The following UBAC2 variants were observed in gnomAD, a reference collection of about 807,000 sequenced individuals.
UBAC2 encodes the protein ubiquitin-associated domain-containing protein 2.
UBAC2 carries 26 observed loss-of-function variants against 44.0 expected under a neutral mutation model. The observed-to-expected ratio is 0.59, with a 90% CI of 0.43 to 0.82. The LOEUF (loss-of-function observed/expected upper bound fraction) is 0.82, where lower values mean the gene tolerates loss of function less well. UBAC2 is among the 40% of genes least tolerant of loss of function. The pLI is 0.00. For synonymous variants in UBAC2, 155 were observed against 154.3 expected (o/e 1.00, Z -0.04); for missense variants, 329 against 419.4 (o/e 0.78, Z 1.88).
intron 5 of UBAC2, among the ~76,000 whole-genome samples, chr13:99,316,589 A>G (rs185974096): frequency 6.6e-6 from 1 of 152,278 alleles, no homozygotes; most frequent in Admixed American, 6.5e-5. Flanking sequence ...AGTATCACCC[A>G]CTGGGTGAGA....
At chr13:99,202,254 C>T (rs1210587815) in intron 1 of UBAC2, among the ~76,000 whole-genome samples, 3 of 152,078 alleles carry the variant, frequency 2.0e-5, no homozygotes, top group African/African-American at 7.2e-5. Flanking sequence ...TCCTTTGTTT[C>T]ATAATTAATT....
At chr13:99,236,805 G>A (rs994693903) in intron 1 of UBAC2, among the ~76,000 whole-genome samples, 1 of 151,998 alleles carries the variant, frequency 6.6e-6, no homozygotes. Flanking sequence ...AGCCGAGATG[G>A]CACCACTTCA....
chr13:99,294,129 C>T (rs1219103998), intron 4 of UBAC2, among the ~76,000 whole-genome samples: 1 of 152,156 alleles, frequency 6.6e-6, no homozygotes, highest in African/African-American at 2.4e-5. Flanking sequence ...ATTTAGCAAG[C>T]AGCAGCTATA....
chr13:99,360,929 C>G (rs1055871195), intron 7 of UBAC2, among the ~76,000 whole-genome samples: 1 of 152,206 alleles, frequency 6.6e-6, no homozygotes, highest in Admixed American at 6.5e-5. Flanking sequence ...CTCACACTCT[C>G]CTGTGGACGC....
intron 5 of UBAC2, among the ~76,000 whole-genome samples, chr13:99,316,399 TTGAATGAATGAA>T (rs568962794): frequency 6.6e-6 from 1 of 152,096 alleles, no homozygotes; most frequent in Non-Finnish European, 1.5e-5. Flanking sequence ...AGGGACATTG[TTGAATGAATGAA>T]TGAATGGATG....
chr13:99,337,219 G>A (rs1363302796), intron 6 of UBAC2, among the ~76,000 whole-genome samples: 1 of 152,098 alleles, frequency 6.6e-6, no homozygotes, highest in Non-Finnish European at 1.5e-5. Context: ...TATTTTGAAT[G>A]ATATTTAATT....
chr13:99,298,685 A>C (rs2044213112), intron 4 of UBAC2, among the ~76,000 whole-genome samples: 1 of 152,176 alleles, frequency 6.6e-6, no homozygotes, highest in African/African-American at 2.4e-5. Context: ...CATTTTGTGC[A>C]GGAAAAAAAA....
chr13:99,289,951 C>T (rs115115825), intron 4 of UBAC2, among the ~76,000 whole-genome samples: 2 of 152,332 alleles, frequency 1.3e-5, no homozygotes, highest in African/African-American at 2.4e-5. Flanking sequence ...TTCCTCCCCA[C>T]CCCCAAGGAA....
intron 7 of UBAC2, among the ~76,000 whole-genome samples, chr13:99,352,541 G>A (rs2045109170): frequency 6.6e-6 from 1 of 152,226 alleles, no homozygotes; most frequent in Non-Finnish European, 1.5e-5. Context: ...GATCTGCCTA[G>A]TAGAGCTTTA....
chr13:99,283,908 T>A (rs941274651), intron 4 of UBAC2, among the ~76,000 whole-genome samples: 1 of 152,050 alleles, frequency 6.6e-6, no homozygotes, highest in African/African-American at 2.4e-5. Context: ...CTAATTTTTG[T>A]ATTTTTAATA....
intron 7 of UBAC2, among the ~76,000 whole-genome samples, chr13:99,344,166 A>G (rs1174754661): frequency 6.6e-6 from 1 of 152,170 alleles, no homozygotes; most frequent in African/African-American, 2.4e-5. Flanking sequence ...AGAGAGATGC[A>G]GGTATTCCCT....
At chr13:99,327,022 CTA>C (rs2044648847) in intron 6 of UBAC2, among the ~76,000 whole-genome samples, 1 of 152,160 alleles carries the variant, frequency 6.6e-6, no homozygotes, top group South Asian at 2.1e-4. Context: ...TTAGCAGACT[CTA>C]TTTTCTTCGT....
chr13:99,298,889 A>G (rs2044215634), intron 4 of UBAC2, among the ~76,000 whole-genome samples: 1 of 152,174 alleles, frequency 6.6e-6, no homozygotes, highest in Non-Finnish European at 1.5e-5. Flanking sequence ...TTTTATTAAT[A>G]TTTTTCTAAG....
intron 6 of UBAC2, among the ~76,000 whole-genome samples, chr13:99,337,644 A>G (rs895323948): frequency 6.6e-6 from 1 of 152,096 alleles, no homozygotes; most frequent in Non-Finnish European, 1.5e-5. Flanking sequence ...CCTTTCCCCC[A>G]TATTCCCTCT....
intron 1 of UBAC2, chr13:99,234,426 G>T: frequency 5.1e-6 from 1 of 196,470 alleles, no homozygotes; most frequent in Non-Finnish European, 1.1e-5. Context: ...CTGACCTCAG[G>T]TGATCCGCCC....
At chr13:99,291,683 T>G (rs528367676) in intron 4 of UBAC2, among the ~76,000 whole-genome samples, 1 of 152,208 alleles carries the variant, frequency 6.6e-6, no homozygotes, top group South Asian at 2.1e-4. Flanking sequence ...GTGTCTAATT[T>G]AAATTACAGG....
chr13:99,346,400 G>T (rs1329075920), intron 7 of UBAC2, among the ~76,000 whole-genome samples: 1 of 152,132 alleles, frequency 6.6e-6, no homozygotes, highest in African/African-American at 2.4e-5. Flanking sequence ...ATCCTTCAGG[G>T]CCTCTCCATA....
intron 4 of UBAC2, among the ~76,000 whole-genome samples, chr13:99,272,923 C>T (rs1011696311): frequency 2.0e-5 from 3 of 150,504 alleles, no homozygotes; most frequent in Non-Finnish European, 3.0e-5. Flanking sequence ...TCCATTGGTC[C>T]GTGTGTCTGT....
At chr13:99,286,524 C>CG (rs751499299) in intron 4 of UBAC2, among the ~76,000 whole-genome samples, 23 of 151,674 alleles carry the variant, frequency 1.5e-4, no homozygotes, top group Non-Finnish European at 2.9e-4. Flanking sequence ...CTTTTAGGTT[C>CG]GGGGGGTACA....
Sources: allele counts gnomAD v4.1 joint callset (sites outside exome capture counted in the v4.1 genomes callset), GRCh38; gene constraint gnomAD v4.1.1; transcripts MANE v1.5; gene names NCBI Gene and HGNC (gene_info 2026-07-23, HGNC 2026-07-21).